The following PRKDC variants were observed in gnomAD, a reference collection of about 807,000 sequenced individuals.
PRKDC encodes the protein DNA-dependent protein kinase catalytic subunit.
PRKDC carries 82 observed loss-of-function variants against 486.9 expected under a neutral mutation model. The ratio of observed to expected loss-of-function variants is 0.17; its 90% CI spans 0.14 to 0.20. The LOEUF is 0.20. Among genes scored for constraint, PRKDC ranks in the 10% least tolerant of loss-of-function variants. PRKDC has a pLI of 1.00. For synonymous variants in PRKDC, 1,895 were observed against 1,837.0 expected (o/e 1.03, Z -0.81); for missense variants, 4,504 against 5,038.2 (o/e 0.89, Z 3.21).
chr8:47,930,880 G>A lies in PRKDC; in HGVS notation c.1777-93C>T, dbSNP rs186986537. On this transcript the variant is annotated intron_variant, in intron 16 of 85. Transcript: ENST00000314191. ...CCAACTGACTTCATGGTCAAGGCCT[G>A]ATGCTACGAAGAAAGATTGCAACAG... 132 of 1,215,200 alleles carry A rather than the reference G, an allele frequency of 1.1e-4. No homozygotes were observed. In the African/African-American group the frequency reaches 1.7e-3, roughly 16 times the overall value. 75.3% of individuals were successfully genotyped at this position (1,215,200 alleles called of 1,614,324 possible).
At chr8:47,912,686 C>A in intron 24 of PRKDC, 124 bp from the exon 25 acceptor site, 1 of 824,594 alleles carries the variant, frequency 1.2e-6, no homozygotes, top group Non-Finnish European at 1.7e-6. Flanking sequence ...ATCATGTAAC[C>A]CAAATATAAA....
chr8:47,807,314 G>A lies in PRKDC; in HGVS notation c.9570C>T (p.Leu3190=). The change falls in exon 69 of 86, where the codon CTC becomes CTT. Residue 3190 remains leucine, a synonymous_variant. Coordinates refer to ENST00000314191, the MANE Select transcript of PRKDC (RefSeq NM_006904.7). ...DDIITNRCFF[L]SKIEEKLTPL... is the part of the protein sequence containing the mutation. ...GGGTAAGCTTCTCCTCTATTTTGCT[G>A]AGAAAGAAACATCTACACAAAGAAA... The A allele has an allele frequency of 1.3e-6, 2 of 1,556,592 alleles. No individual in the cohort carries two copies. The highest frequency in any genetic ancestry group is 1.7e-6 in the Non-Finnish European group (2 of 1,148,510).
intron 61 of PRKDC, among the ~76,000 whole-genome samples, chr8:47,830,360 C>T (rs373609733): frequency 5.3e-5 from 8 of 152,102 alleles, no homozygotes; most frequent in African/African-American, 1.7e-4. Context: ...TGATAAATAA[C>T]GATAAATAAC....
chr8:47,795,581 T>C (rs1183761289), intron 73 of PRKDC, among the ~76,000 whole-genome samples: 1 of 149,124 alleles, frequency 6.7e-6, no homozygotes, highest in Non-Finnish European at 1.5e-5. Context: ...CAACCTTTGC[T>C]TTCTGGGTTT....
chr8:47,873,747 G>A (rs976891434), intron 40 of PRKDC, among the ~76,000 whole-genome samples: 2 of 152,152 alleles, frequency 1.3e-5, no homozygotes, highest in Non-Finnish European at 2.9e-5. Flanking sequence ...TGTGAAATAA[G>A]TAAGGCACAG....
intron 37 of PRKDC, 65 bp from the exon 38 acceptor site, chr8:47,881,585 T>C (rs1202284205): frequency 1.2e-6 from 1 of 826,038 alleles, no homozygotes; most frequent in Admixed American, 3.3e-5. Context: ...TTTAGCCCAT[T>C]GCTCAAATGT....
chr8:47,921,259 A>G (rs1421998570), intron 21 of PRKDC, among the ~76,000 whole-genome samples: 2 of 152,146 alleles, frequency 1.3e-5, no homozygotes, highest in African/African-American at 2.4e-5. Flanking sequence ...CATCTCAAAA[A>G]AAAAAGAAAA....
At position 47,923,226 on chromosome 8, in the gene PRKDC, G is replaced by C. The variant is rs144308891; in HGVS notation, c.2419+3968C>G. Among the ~76,000 whole-genome samples the C allele has an allele frequency of 1.1e-4, 17 of 152,114 alleles. 1 individual carries two copies. The East Asian group carries it at 3.3e-3, about 29-fold the overall frequency. On this transcript the variant is annotated intron_variant, in intron 21 of 85. Coordinates refer to ENST00000314191, the MANE Select transcript of PRKDC (RefSeq NM_006904.7). ...TTACAGGTGTGCGCCATCATGCCAGGCTAATTTTTTTTCTTTTTAGTAGAG... is the reference window on the plus strand; with the variant it reads ...TTACAGGTGTGCGCCATCATGCCAGCCTAATTTTTTTTCTTTTTAGTAGAG...
In PRKDC at chr8:47,862,296, A is replaced by G. The variant is rs963902280; in HGVS notation, c.5919+77T>C. 2.1e-6 allele frequency: 3 copies of G among 1,462,330 alleles called. No individual in the cohort carries two copies. In the African/African-American group the frequency reaches 4.2e-5, roughly 21 times the overall value. 90.6% of individuals were successfully genotyped at this position (1,462,330 alleles called of 1,614,324 possible). ...TCTTTAATATAAGATGGTATAAATT[A>G]TCTGTAAGTTTGACTGATATAATCT... On this transcript the variant is annotated intron_variant, in intron 43 of 85. Coordinates refer to ENST00000314191, the MANE Select transcript of PRKDC (RefSeq NM_006904.7).
At chr8:47,775,715 T>C (rs944888033) in intron 85 of PRKDC, among the ~76,000 whole-genome samples, 4 of 152,110 alleles carry the variant, frequency 2.6e-5, no homozygotes, top group African/African-American at 9.7e-5. Flanking sequence ...TTAATTTTGA[T>C]GAAGTCCAAT....
intron 68 of PRKDC, among the ~76,000 whole-genome samples, chr8:47,809,809 G>C (rs901744749): frequency 3.9e-5 from 6 of 152,134 alleles, no homozygotes; most frequent in African/African-American, 1.4e-4. Context: ...GTATGCGCAG[G>C]GAAATCAAAA....
chr8:47,873,692 C>G (rs999778807), intron 40 of PRKDC, among the ~76,000 whole-genome samples: 1 of 152,136 alleles, frequency 6.6e-6, no homozygotes, highest in African/African-American at 2.4e-5. Context: ...GAATGAGATA[C>G]TGTCATTTGG....
chr8:47,933,148 A>G lies in PRKDC; in HGVS notation c.1648T>C (p.Phe550Leu), dbSNP rs759295562. ...MMDSILADEA[F>L]FSVNSSSESL... ...TCACTGGAGGAATTCACAGAGAAAA[A>G]TGCTTCATCTGCTAAAATAGAATCC... The change falls in exon 16 of 86, where the codon TTT becomes CTT. Residue 550 changes from phenylalanine to leucine, a missense_variant. This residue lies in a region of PRKDC where 1,969 missense variants were observed against 2,068.9 expected (regional missense o/e 0.95). Coordinates refer to ENST00000314191, the MANE Select transcript of PRKDC (RefSeq NM_006904.7). The G allele has an allele frequency of 7.1e-6, 11 of 1,539,950 alleles. No individual in the cohort carries two copies. The highest frequency in any genetic ancestry group is 9.6e-6 in the Non-Finnish European group (11 of 1,146,556).
chr8:47,794,629 C>T, intron 73 of PRKDC, 128 bp from the exon 74 acceptor site: 4 of 790,080 alleles, frequency 5.1e-6, no homozygotes, highest in Middle Eastern at 3.8e-4. Flanking sequence ...AGTCTTCCAT[C>T]CCCTAGCTCT....
intron 61 of PRKDC, among the ~76,000 whole-genome samples, chr8:47,829,960 G>A (rs1000046009): frequency 1.5e-4 from 23 of 152,030 alleles, no homozygotes; most frequent in African/African-American, 3.1e-4. Context: ...AAAAGAGCCC[G>A]TATAGCCAAA....
intron 7 of PRKDC, among the ~76,000 whole-genome samples, chr8:47,947,284 G>A (rs1048487742): frequency 2.0e-4 from 31 of 152,114 alleles, no homozygotes; most frequent in Admixed American, 8.5e-4. Context: ...CCCGTGGGTC[G>A]TGTGCTCCAC....
chr8:47,927,896 C>T lies in PRKDC; in HGVS notation c.2140-6G>A. The T allele has an allele frequency of 6.4e-7, 1 of 1,550,924 alleles. No individual in the cohort carries two copies. ...TGCTTCATTTTAACTGCCACCTTAACAAGAAAGAAGACAGTAATGTATATC... is the reference window on the plus strand; with the variant it reads ...TGCTTCATTTTAACTGCCACCTTAATAAGAAAGAAGACAGTAATGTATATC... On this transcript the variant is annotated splice_polypyrimidine_tract_variant and splice_region_variant and intron_variant, in intron 19 of 85. Transcript: ENST00000314191.
chr8:47,916,603 C>T (rs924990910), intron 22 of PRKDC, among the ~76,000 whole-genome samples: 1 of 152,134 alleles, frequency 6.6e-6, no homozygotes, highest in Non-Finnish European at 1.5e-5. Context: ...GAGAAAATGT[C>T]TGCATATATC....
chr8:47,844,550 C>T (rs2088222535), intron 54 of PRKDC, among the ~76,000 whole-genome samples: 1 of 152,138 alleles, frequency 6.6e-6, no homozygotes, highest in African/African-American at 2.4e-5. Flanking sequence ...CCCAATACAT[C>T]TACAGCATAC....
Sources: gnomAD v4.1 joint callset for allele counts (sites outside exome capture counted in the v4.1 genomes callset) on GRCh38, gnomAD v4.1.1 for gene constraint, gnomAD v4.1.1 regional missense constraint, MANE v1.5 for transcripts, NCBI Gene and HGNC (gene_info 2026-07-23, HGNC 2026-07-21) for gene names.